The following SLC38A1 variants were observed in gnomAD, a reference collection of about 807,000 sequenced individuals.
The protein encoded by SLC38A1 is solute carrier family 38 member 1.
SLC38A1 carries 18 observed loss-of-function variants against 60.3 expected under a neutral mutation model. That is an observed-to-expected ratio of 0.30 (90% CI 0.21 to 0.44). The LOEUF is 0.44. Among genes scored for constraint, SLC38A1 ranks in the 20% least tolerant of loss-of-function variants. The pLI is 1.00. For missense variants in SLC38A1, 448 were observed against 587.2 expected (o/e 0.76, Z 2.45); for synonymous variants, 196 against 212.1 (o/e 0.92, Z 0.66).
Position 46,229,176 on chromosome 12 carries a change from T to C in SLC38A1, c.291A>G (p.Ala97=), listed in dbSNP as rs61928115. ...ACAGAAAAAGTAGGATTCCAGTGTT[T>C]GCCAGGGCAAAGGCGAGTCCCAAAA... ...SGILGLAFAL[A]NTGILLFLVL... The change falls in exon 5 of 17, where the codon GCA becomes GCG. Residue 97 remains alanine (A), a synonymous_variant. Transcript: ENST00000398637. 0.021 allele frequency: 33,246 copies of C among 1,612,398 alleles called. 411 individuals are homozygous for C. Among genetic ancestry groups the C allele is most frequent in the Non-Finnish European group, 0.025 (29,137 of 1,178,824 alleles).
chr12:46,214,957 C>T (rs1237116225), intron 5 of SLC38A1, among the ~76,000 whole-genome samples: 2 of 152,144 alleles, frequency 1.3e-5, no homozygotes, highest in Non-Finnish European at 2.9e-5. Context: ...TGCCAGCCCT[C>T]CCTAGCATGA....
chr12:46,268,441 G>T lies in SLC38A1; in HGVS notation c.-209+85C>A, dbSNP rs1206563951. 2 of 154,330 alleles carry T rather than the reference G, an allele frequency of 1.3e-5. No homozygotes were observed. The highest frequency in any genetic ancestry group is 4.8e-5 in the African/African-American group (2 of 41,556). 9.6% of individuals were successfully genotyped at this position (154,330 alleles called of 1,614,324 possible). On this transcript the variant is annotated intron_variant, in intron 1 of 16. Coordinates refer to ENST00000398637, the MANE Select transcript of SLC38A1 (RefSeq NM_030674.4). This position sits in a 1 kb window ranked among gnomAD's most constrained non-coding sequence, Gnocchi z 4.4. ...TCTCTGCTTTCACGCCCGCAGAGAT[G>T]ATTTCTACGTTACCTCCTCCTCCGA...
intron 3 of SLC38A1, among the ~76,000 whole-genome samples, chr12:46,233,619 T>C (rs1592124743): frequency 6.6e-6 from 1 of 152,328 alleles, no homozygotes; most frequent in South Asian, 2.1e-4. Context: ...TCAAACATTG[T>C]ACAGTTGAAG....
intron 1 of SLC38A1, among the ~76,000 whole-genome samples, chr12:46,244,422 T>G (rs1454344208): frequency 6.6e-6 from 1 of 152,222 alleles, no homozygotes; most frequent in African/African-American, 2.4e-5. Context: ...GACAGAAAGT[T>G]GAAAACTACA....
intron 5 of SLC38A1, among the ~76,000 whole-genome samples, chr12:46,218,341 T>C (rs987038799): frequency 3.9e-5 from 6 of 152,062 alleles, no homozygotes; most frequent in Admixed American, 6.5e-5. Flanking sequence ...AACTCTTGAG[T>C]GACAGAAAAA....
At chr12:46,243,699 C>T (rs1201193388) in intron 1 of SLC38A1, among the ~76,000 whole-genome samples, 3 of 152,070 alleles carry the variant, frequency 2.0e-5, no homozygotes, top group South Asian at 4.1e-4. Context: ...TCAGGCTATA[C>T]GATTAATTAA....
chr12:46,223,427 C>T (rs1940737171), intron 5 of SLC38A1, among the ~76,000 whole-genome samples: 1 of 150,954 alleles, frequency 6.6e-6, no homozygotes, highest in Non-Finnish European at 1.5e-5. Context: ...CTATCACTCT[C>T]TCCATCTCTC....
chr12:46,212,391 C>T (rs915929323), intron 5 of SLC38A1, among the ~76,000 whole-genome samples: 4 of 152,154 alleles, frequency 2.6e-5, no homozygotes, highest in African/African-American at 9.7e-5. Context: ...ATTAATATGG[C>T]TGGGACAAAA....
intron 1 of SLC38A1, among the ~76,000 whole-genome samples, chr12:46,252,646 A>G (rs935004420): frequency 4.6e-5 from 7 of 152,002 alleles, no homozygotes; most frequent in African/African-American, 1.4e-4. Context: ...AACCAAAAAG[A>G]AAAAAGTTCA....
intron 12 of SLC38A1, among the ~76,000 whole-genome samples, chr12:46,202,401 T>C (rs576612251): frequency 7.2e-5 from 11 of 152,204 alleles, no homozygotes; most frequent in Non-Finnish European, 1.6e-4. Flanking sequence ...ACTATTTTTG[T>C]TTATGTTTGA....
At chr12:46,190,779 G>A (rs765368274) in intron 16 of SLC38A1, among the ~76,000 whole-genome samples, 1 of 152,034 alleles carries the variant, frequency 6.6e-6, no homozygotes, top group Non-Finnish European at 1.5e-5. Flanking sequence ...TTTTTGATGG[G>A]GTTGCTTTTT....
chr12:46,211,438 C>G (rs1940167417), intron 5 of SLC38A1, among the ~76,000 whole-genome samples: 1 of 152,164 alleles, frequency 6.6e-6, no homozygotes, highest in South Asian at 2.1e-4. Context: ...TTACAAAAGG[C>G]CCTAACCCTG....
At chr12:46,195,815 GT>G in intron 16 of SLC38A1, 1 of 250,434 alleles carries the variant, frequency 4.0e-6, no homozygotes, top group East Asian at 8.9e-5. Flanking sequence ...GAAAAGTGCA[GT>G]ATTTGGTCAG....
In SLC38A1 at chr12:46,205,511, C is replaced by T. The variant is rs551553756; in HGVS notation, c.646+569G>A. 3.9e-5 allele frequency among the ~76,000 whole-genome samples: 6 copies of T among 152,220 alleles called. No homozygotes were observed. In the East Asian group the frequency reaches 1.2e-3, roughly 29 times the overall value. The stretch of plus-strand genomic sequence containing the variant: ...TATTCAATGTATGAAATTCCCTTAA[C>T]ATCAGGCATCCTTGTCTCCAAATAC... On this transcript the variant is annotated intron_variant, in intron 9 of 16. Coordinates refer to ENST00000398637, the MANE Select transcript of SLC38A1 (RefSeq NM_030674.4).
In SLC38A1 at chr12:46,239,858, T is replaced by A; in HGVS notation, c.-58A>T. 6.3e-7 allele frequency: 1 copy of A among 1,581,816 alleles called. No homozygotes were observed. ...CCAAATTTCTCCTGTTCTGAGTGTA[T>A]TTAGAAGTAGATACCAAAATGGAAG... On this transcript the variant is annotated 5_prime_UTR_variant, in exon 3 of 17. Transcript: ENST00000398637.
At chr12:46,247,255 C>T (rs911945845) in intron 1 of SLC38A1, among the ~76,000 whole-genome samples, 2 of 152,154 alleles carry the variant, frequency 1.3e-5, no homozygotes, top group Non-Finnish European at 2.9e-5. Flanking sequence ...GGAGGATGTT[C>T]TATCCCATCA....
rs1938931976 is a variant in SLC38A1, at chr12:46,186,205, A to G, written c.*2765T>C. The G allele has an allele frequency of 6.6e-6, 1 of 152,200 alleles. No homozygotes were observed. Among genetic ancestry groups the G allele is most frequent in the Non-Finnish European group, 1.5e-5 (1 of 68,048 alleles). The allele number at this position is 152,200 out of a possible 1,614,324, so 9.4% of individuals were successfully genotyped here. ...GGGGCTGCCTGTGCCTAAACACAGT[A>G]GATTTCCCTCCTGTGCGTATTTCAT... On this transcript the variant is annotated 3_prime_UTR_variant, in exon 17 of 17. Transcript: ENST00000398637.
intron 3 of SLC38A1, among the ~76,000 whole-genome samples, chr12:46,231,346 G>A (rs749930243): frequency 1.3e-5 from 2 of 152,102 alleles, no homozygotes; most frequent in African/African-American, 4.8e-5. Context: ...TGGGTACAAC[G>A]TTTACTATTT....
At chr12:46,259,206 A>G (rs1471519299) in intron 1 of SLC38A1, among the ~76,000 whole-genome samples, 1 of 152,190 alleles carries the variant, frequency 6.6e-6, no homozygotes, top group Non-Finnish European at 1.5e-5. Flanking sequence ...AAGGTCAACA[A>G]TGGTTCTATA....
Sources: gnomAD v4.1 joint callset for allele counts (sites outside exome capture counted in the v4.1 genomes callset) on GRCh38, gnomAD v4.1.1 for gene constraint, Gnocchi (gnomAD v3.1) non-coding constraint, MANE v1.5 for transcripts, NCBI Gene and HGNC (gene_info 2026-07-23, HGNC 2026-07-21) for gene names.